The following SVEP1 variants were observed in gnomAD, a reference collection of about 807,000 sequenced individuals.
SVEP1 encodes sushi, von Willebrand factor type A, EGF and pentraxin domain-containing protein 1.
A neutral mutation model predicts 367.3 loss-of-function variants in SVEP1; 164 were observed. The ratio of observed to expected loss-of-function variants is 0.45; its 90% confidence interval spans 0.39 to 0.51. SVEP1 has a LOEUF of 0.51. Among genes scored for constraint, SVEP1 ranks in the 20% least tolerant of loss-of-function variants. The probability of loss-of-function intolerance (pLI) is 0.00; values close to 1 mark genes in which losing one functional copy is unlikely to be tolerated. For missense variants in SVEP1, 4,117 were observed against 4,425.3 expected, an observed-to-expected ratio of 0.93 and a Z score of 1.98; for synonymous variants, 1,666 against 1,611.6, an observed-to-expected ratio of 1.03 and a Z score of -0.81.
intron 3 of SVEP1, among the ~76,000 whole-genome samples, chr9:110,544,876 C>A (rs1425543053): frequency 6.6e-6 from 1 of 152,132 alleles, no homozygotes; most frequent in African/African-American, 2.4e-5. Context: ...TTCCTCCTAT[C>A]TAGTAGTAAT....
rs1352729936 is a variant in SVEP1, at chr9:110,546,131, C to G, written c.948G>C (p.Leu316=). 1 of 1,552,480 alleles carries G rather than the reference C, an allele frequency of 6.4e-7. No homozygotes were observed. Among genetic ancestry groups the G allele is most frequent in the Admixed American group, 2.0e-5 (1 of 51,018 alleles). Reference sequence around the variant, plus strand: ...GAGACTCACCTGTGCATTCATACTGCAGACCTTTCCCGTAATACCCCTTTT... The same window carrying G: ...GAGACTCACCTGTGCATTCATACTGGAGACCTTTCCCGTAATACCCCTTTT... ...ICEKGYYGKG[L]QYECTACPSG... Residue 316 remains leucine (L), a synonymous_variant, in exon 3 of 48, where the codon CTG becomes CTC. Transcript: ENST00000374469.
At chr9:110,439,560 A>AT (rs535123411) in intron 27 of SVEP1, among the ~76,000 whole-genome samples, 6,119 of 145,600 alleles carry the variant, frequency 0.042, 326 homozygotes, top group African/African-American at 0.13. Context: ...CGCCCGGCTA[A>AT]TTTTTTTTTT....
intron 43 of SVEP1, among the ~76,000 whole-genome samples, chr9:110,383,072 C>T (rs959763687): frequency 3.3e-5 from 5 of 152,212 alleles, no homozygotes; most frequent in African/African-American, 1.2e-4. Context: ...TTCATCAATC[C>T]TAGCCTCTGC....
At position 110,373,139 on chromosome 9, in the gene SVEP1, C is replaced by A. The variant is rs189025268; in HGVS notation, c.10600+2229G>T. Among the ~76,000 whole-genome samples the A allele has an allele frequency of 2.0e-5, 3 of 152,260 alleles. No homozygotes were observed. In the East Asian group the frequency reaches 5.8e-4, roughly 29 times the overall value. On this transcript the variant is annotated intron_variant, in intron 46 of 47. Coordinates refer to ENST00000374469, the MANE Select transcript of SVEP1 (RefSeq NM_153366.4). ...TCAAGAGTAATTCATTTATTACCTG[C>A]ACCAGTAAGGTACCTGGAAAAAAGC...
chr9:110,411,083 C>G lies in SVEP1; in HGVS notation c.6628G>C (p.Val2210Leu), dbSNP rs1194343480. 3.8e-6 allele frequency: 6 copies of G among 1,595,756 alleles called. No individual in the cohort carries two copies. In the African/African-American group the frequency reaches 8.0e-5, roughly 21 times the overall value. Residue 2210 changes from valine to leucine, a missense_variant, in exon 37 of 48, where the codon GTT becomes CTT. By Grantham distance (32) the Val-to-Leu change is conservative (BLOSUM62 1). Coordinates refer to ENST00000374469, the MANE Select transcript of SVEP1 (RefSeq NM_153366.4). ...CTTACCTCCAGAAAGCCATTCTCAA[C>G]CTTAGGTGGTTCACCACAAGATACC... ...HPVSCGEPPK[V>L]ENGFLEHTTG...
At chr9:110,387,504 C>T in intron 41 of SVEP1, 46 bp from the exon 42 acceptor site, 4 of 1,507,974 alleles carry the variant, frequency 2.7e-6, no homozygotes, top group South Asian at 1.3e-5. Flanking sequence ...TCCCCAATTC[C>T]TCTTTCCTTC....
In SVEP1 at chr9:110,436,434, A is replaced by C. The variant is rs1055233038; in HGVS notation, c.4710T>G (p.Phe1570Leu). 1 of 1,613,980 alleles carries C rather than the reference A, an allele frequency of 6.2e-7. No homozygotes were observed. Residue 1570 changes from phenylalanine (F) to leucine (L), a missense_variant, in exon 28 of 48, where the codon TTT becomes TTG. This residue lies in a region of SVEP1 where 2,174 missense variants were observed against 2,494.3 expected (regional missense o/e 0.87). Transcript: ENST00000374469. ...KGEGFSPAES[F>L]VGSISQLNLW... ...GGTTGAGCTGGCTTATGGAGCCCAC[A>C]AAAGACTCAGCTGGGCTGAATCCCT... is the stretch of plus-strand genomic sequence containing the variant.
At chr9:110,548,123 TC>T (rs1434355582) in intron 2 of SVEP1, among the ~76,000 whole-genome samples, 1 of 152,148 alleles carries the variant, frequency 6.6e-6, no homozygotes, top group African/African-American at 2.4e-5. Flanking sequence ...CACCCTGTTT[TC>T]CCTCTTAACA....
intron 28 of SVEP1, 30 bp from the exon 29 acceptor site, chr9:110,435,394 C>T: frequency 1.9e-6 from 3 of 1,607,370 alleles, no homozygotes; most frequent in South Asian, 1.1e-5. Context: ...TTAGATAAGC[C>T]TTACTTGTTC....
intron 33 of SVEP1, 33 bp from the exon 34 acceptor site, chr9:110,430,037 T>C: frequency 6.2e-7 from 1 of 1,600,744 alleles, no homozygotes; most frequent in African/African-American, 1.3e-5. Context: ...CGTGACTTTT[T>C]TGAGACTGTG....
intron 3 of SVEP1, among the ~76,000 whole-genome samples, chr9:110,526,823 C>T (rs1191485413): frequency 6.6e-6 from 1 of 152,050 alleles, no homozygotes; most frequent in Admixed American, 6.6e-5. Context: ...TACATTTATA[C>T]TATGAAATAC....
intron 3 of SVEP1, among the ~76,000 whole-genome samples, chr9:110,527,802 C>G (rs142249652): frequency 8.3e-4 from 126 of 151,734 alleles, no homozygotes; most frequent in African/African-American, 3.0e-3. Context: ...TGGTATATAT[C>G]ATACACAATT....
At chr9:110,392,741 T>G (rs76746377) in intron 40 of SVEP1, among the ~76,000 whole-genome samples, 1 of 144,090 alleles carries the variant, frequency 6.9e-6, no homozygotes, top group Non-Finnish European at 1.6e-5. Flanking sequence ...TCTAATTTTT[T>G]TAAAAGTATC....
At chr9:110,392,075 G>C (rs1827663575) in intron 40 of SVEP1, among the ~76,000 whole-genome samples, 1 of 149,716 alleles carries the variant, frequency 6.7e-6, no homozygotes, top group African/African-American at 2.5e-5. Context: ...AGGGTCTCCA[G>C]TTTGCAGAGA....
In SVEP1 at chr9:110,407,562, T is replaced by C. The variant is rs776634411; in HGVS notation, c.8038A>G (p.Met2680Val). The C allele has an allele frequency of 2.5e-6, 4 of 1,614,008 alleles. 1 individual carries two copies. The South Asian group carries it at 4.4e-5, about 18-fold the overall frequency. Residue 2680 changes from methionine (M) to valine (V), a missense_variant, in exon 38 of 48, where the codon ATG (methionine) becomes GTG (valine). Physicochemically the swap from Met to Val is conservative, Grantham distance 21. Coordinates refer to ENST00000374469, the MANE Select transcript of SVEP1 (RefSeq NM_153366.4). ...THSSNFLYGT[M>V]VSYTCNPGYE... is the part of the protein sequence containing the mutation. ...CCTGGATTACAGGTGTATGAAACCA[T>C]GGTACCATACAGAAAGTTTGATGAA...
intron 34 of SVEP1, 90 bp from the exon 35 acceptor site, chr9:110,429,424 T>C (rs1430252889): frequency 2.1e-6 from 2 of 943,552 alleles, no homozygotes; most frequent in African/African-American, 3.3e-5. Context: ...ATATTAAGAA[T>C]TTATACATAT....
In SVEP1 at chr9:110,407,082, C is replaced by T. The variant is rs1343978750; in HGVS notation, c.8518G>A (p.Ala2840Thr). 1 of 1,613,894 alleles carries T rather than the reference C, an allele frequency of 6.2e-7. No individual in the cohort carries two copies. The highest frequency in any genetic ancestry group is 8.5e-7 in the Non-Finnish European group (1 of 1,179,906). ...TCGTCTCCTCTCACCTGGCCATTGGCTGAGACTGGGGGTGAACTGCAGTCC... is the reference window on the plus strand; with the variant it reads ...TCGTCTCCTCTCACCTGGCCATTGGTTGAGACTGGGGGTGAACTGCAGTCC... ...PVDCSSPPVS[A>T]NGQVRGDEYT... Residue 2840 changes from alanine (A) to threonine (T), a missense_variant, in exon 38 of 48, where the codon GCC (alanine) becomes ACC (threonine). Coordinates refer to ENST00000374469, the MANE Select transcript of SVEP1 (RefSeq NM_153366.4).
intron 40 of SVEP1, among the ~76,000 whole-genome samples, chr9:110,391,297 G>A (rs1168129943): frequency 7.0e-6 from 1 of 142,168 alleles, no homozygotes; most frequent in Non-Finnish European, 1.5e-5. Flanking sequence ...TTGAGACAGA[G>A]TTTTGCTCTG....
At chr9:110,379,545 C>T in intron 43 of SVEP1, 28 bp from the exon 44 acceptor site, 6 of 1,611,118 alleles carry the variant, frequency 3.7e-6, no homozygotes, top group Non-Finnish European at 5.1e-6. Context: ...AACAATTAAG[C>T]TTGTGCTATT....
Sources: gnomAD v4.1 joint callset for allele counts (sites outside exome capture counted in the v4.1 genomes callset) on GRCh38, gnomAD v4.1.1 for gene constraint, gnomAD v4.1.1 regional missense constraint, MANE v1.5 for transcripts, NCBI Gene and HGNC (gene_info 2026-07-23, HGNC 2026-07-21) for gene names.